Variants in PGD observed in about 807,000 individuals in gnomAD.
PGD encodes the protein phosphogluconate dehydrogenase.
A neutral mutation model predicts 60.4 loss-of-function variants in PGD; 21 were observed. The ratio of observed to expected loss-of-function variants is 0.35; its 90% CI spans 0.25 to 0.50. PGD has a LOEUF of 0.50. Among genes scored for constraint, PGD ranks in the 20% least tolerant of loss-of-function variants. The probability of loss-of-function intolerance (pLI) is 0.98; values close to 1 mark genes in which losing one functional copy is unlikely to be tolerated. For missense variants in PGD, 477 were observed against 613.1 expected (o/e 0.78, Z 2.34); for synonymous variants, 230 against 235.9 (o/e 0.97, Z 0.23).
chr1:10,408,214 G>T (rs376890149), intron 6 of PGD, 74 bp downstream of exon 6: 2 of 854,766 alleles, frequency 2.3e-6, no homozygotes. Flanking sequence ...GTGGAGAAAG[G>T]CCACCGTGGT....
intron 6 of PGD, among the ~76,000 whole-genome samples, chr1:10,409,429 A>G (rs1408727596): frequency 3.3e-5 from 5 of 151,906 alleles, no homozygotes; most frequent in African/African-American, 4.8e-5. Context: ...TTGGAAAGGG[A>G]CCTCTGTTCC....
chr1:10,403,590 G>GAAA lies in PGD; in HGVS notation c.330+472_330+474dup, dbSNP rs71583866. Among the ~76,000 whole-genome samples the GAAA allele has an allele frequency of 4.3e-3, 286 of 67,134 alleles. 20 individuals carry two copies. Among genetic ancestry groups the GAAA allele is most frequent in the African/African-American group, 0.015 (257 of 17,026 alleles). The allele number at this position is 67,134 out of a possible 152,430, so 44.0% of individuals were successfully genotyped here. On this transcript the variant is annotated intron_variant, in intron 4 of 12. Coordinates refer to ENST00000270776, the MANE Select transcript of PGD (RefSeq NM_002631.4). ...TGGGCGACAGAGTGAAACTCCATCT[G>GAAA]AAAAAAAAAAAAAAAAAAAAGACAC...
intron 10 of PGD, 68 bp downstream of exon 10, chr1:10,417,577 G>T: frequency 1.3e-6 from 2 of 1,509,660 alleles, no homozygotes; most frequent in Non-Finnish European, 1.8e-6. Flanking sequence ...GCGATCTTAG[G>T]ACACTTAGCT....
intron 6 of PGD, among the ~76,000 whole-genome samples, chr1:10,409,876 A>C (rs1639470049): frequency 6.6e-6 from 1 of 151,922 alleles, no homozygotes; most frequent in South Asian, 2.1e-4. Flanking sequence ...AGCTGGTCTT[A>C]AACTCCTGAC....
At chr1:10,410,918 G>A (rs1488743793) in intron 6 of PGD, among the ~76,000 whole-genome samples, 1 of 151,842 alleles carries the variant, frequency 6.6e-6, no homozygotes, top group Non-Finnish European at 1.5e-5. Context: ...ACAAGGTTGA[G>A]ACCTTGGATC....
intron 8 of PGD, 127 bp downstream of exon 8, chr1:10,413,378 C>T: frequency 1.3e-6 from 1 of 767,230 alleles, no homozygotes; most frequent in Non-Finnish European, 2.1e-6. Flanking sequence ...GCCTTTTGCT[C>T]TTTCTTGCGT....
intron 5 of PGD, among the ~76,000 whole-genome samples, chr1:10,407,684 G>A (rs1183840427): frequency 6.6e-6 from 1 of 152,116 alleles, no homozygotes; most frequent in Admixed American, 6.6e-5. Context: ...GGTGGCTTAT[G>A]CCTGTAATCC....
At chr1:10,399,430 C>G (rs1045314466) in intron 1 of PGD, 199 bp from the exon 2 acceptor site, 27 of 462,814 alleles carry the variant, frequency 5.8e-5, no homozygotes, top group Non-Finnish European at 9.5e-5. Flanking sequence ...CAGCGGGAGC[C>G]GGGCGCGAGG....
At chr1:10,412,383 A>G (rs995841464) in intron 7 of PGD, among the ~76,000 whole-genome samples, 5 of 152,240 alleles carry the variant, frequency 3.3e-5, no homozygotes, top group Non-Finnish European at 7.3e-5. Context: ...CATACAGTAT[A>G]GCTTTCCAGA....
At chr1:10,408,335 C>T (rs1443539234) in intron 6 of PGD, among the ~76,000 whole-genome samples, 195 bp downstream of exon 6, 2 of 152,154 alleles carry the variant, frequency 1.3e-5, no homozygotes, top group African/African-American at 4.8e-5. Context: ...GCTGACTGTT[C>T]ATAGCCTTGA....
At chr1:10,418,789 AAG>A in intron 10 of PGD, 35 bp from the exon 11 acceptor site, 2 of 1,247,616 alleles carry the variant, frequency 1.6e-6, no homozygotes, top group Admixed American at 2.0e-5. Flanking sequence ...AAAAAAAAAA[AAG>A]ACTCATTGCT....
rs536329457 is a variant in PGD, at chr1:10,403,059, G to A, written c.265-12G>A. ...ATTTTTGGTCCATCTTAATGCTGGT[G>A]TCTGGTTACAGGTACCATTGTTGGA... On this transcript the variant is annotated splice_polypyrimidine_tract_variant and intron_variant, in intron 3 of 12. Coordinates refer to ENST00000270776, the MANE Select transcript of PGD (RefSeq NM_002631.4). 7.6e-6 allele frequency: 12 copies of A among 1,587,530 alleles called. No individual in the cohort carries two copies. In the African/African-American group the frequency reaches 9.4e-5, roughly 12 times the overall value.
In PGD at chr1:10,400,510, C is replaced by A. The variant is rs199971575; in HGVS notation, c.202C>A (p.Pro68Thr). ...AGAGATGGTCTCCAAGCTGAAGAAG[C>A]CCCGGCGGATCATCCTCCTGGTGAA... ...LKEMVSKLKKPRRIILLVKAG... is the reference protein window; with the variant it reads ...LKEMVSKLKKTRRIILLVKAG... Residue 68 changes from proline (P) to threonine (T), a missense_variant, in exon 3 of 13, where the codon CCC (proline) becomes ACC (threonine). By Grantham distance (38) the Pro-to-Thr change is conservative (BLOSUM62 -1). Around this residue, in one of 3 missense-constraint regions of PGD, gnomAD observed 431 missense variants for 556.6 expected, o/e 0.77. Coordinates refer to ENST00000270776, the MANE Select transcript of PGD (RefSeq NM_002631.4). The A allele has an allele frequency of 6.2e-7, 1 of 1,614,018 alleles. No homozygotes were observed. Among genetic ancestry groups the A allele is most frequent in the Non-Finnish European group, 8.5e-7 (1 of 1,179,984 alleles).
In PGD at chr1:10,417,381, C is replaced by G; in HGVS notation, c.981C>G (p.Leu327=). ...GTCTCTGTGTCACTCTTTAGGCACT[C>G]TACGCTTCCAAGATCATCTCTTACG... ...KSFLEDIRKA[L]YASKIISYAQ... The change falls in exon 10 of 13, where the codon CTC becomes CTG. Residue 327 remains leucine (L), a synonymous_variant. Coordinates refer to ENST00000270776, the MANE Select transcript of PGD (RefSeq NM_002631.4). 1 of 1,608,964 alleles carries G rather than the reference C, an allele frequency of 6.2e-7. No homozygotes were observed. Among genetic ancestry groups the G allele is most frequent in the Non-Finnish European group, 8.5e-7 (1 of 1,177,574 alleles).
chr1:10,407,526 A>G (rs1199212094), intron 5 of PGD, among the ~76,000 whole-genome samples: 1 of 152,162 alleles, frequency 6.6e-6, no homozygotes, highest in Non-Finnish European at 1.5e-5. Context: ...CCGATAGTCC[A>G]GTCTGCTTTG....
chr1:10,414,565 C>T (rs1639562349), intron 8 of PGD, among the ~76,000 whole-genome samples: 1 of 151,700 alleles, frequency 6.6e-6, no homozygotes, highest in Non-Finnish European at 1.5e-5. Flanking sequence ...TTAGTGGAGA[C>T]GGGGTTTTAC....
In PGD at chr1:10,419,451, A is replaced by G. The variant is rs1270059586; in HGVS notation, c.1244A>G (p.Gln415Arg). 4.3e-6 allele frequency: 7 copies of G among 1,614,010 alleles called. No individual in the cohort carries two copies. In the East Asian group the frequency reaches 8.9e-5, roughly 21 times the overall value. Residue 415 changes from glutamine to arginine, a missense_variant, in exon 12 of 13, where the codon CAG becomes CGG. Transcript: ENST00000270776. ...CGGCGGGCAGTCAGCACTGGGGTCC[A>G]GGCTGGCATTCCCATGCCCTGTTTT... is the stretch of plus-strand genomic sequence containing the variant. Reference protein sequence around the residue: ...SWRRAVSTGVQAGIPMPCFTT... With the variant: ...SWRRAVSTGVRAGIPMPCFTT...
chr1:10,411,522 G>T lies in PGD; in HGVS notation c.624G>T (p.Val208=), dbSNP rs768297760. 1.9e-6 allele frequency: 3 copies of T among 1,613,960 alleles called. No homozygotes were observed. Among genetic ancestry groups the T allele is most frequent in the Non-Finnish European group, 8.5e-7 (1 of 1,179,890 alleles). ...AGGCATACCACCTGATGAAAGACGT[G>T]CTGGGCATGGCGCAGGACGAGATGG... is the stretch of plus-strand genomic sequence containing the variant. The part of the protein sequence containing the change: ...ICEAYHLMKD[V]LGMAQDEMAQ... The change falls in exon 7 of 13, where the codon GTG becomes GTT. Residue 208 remains valine (V), a synonymous_variant. Coordinates refer to ENST00000270776, the MANE Select transcript of PGD (RefSeq NM_002631.4).
intron 7 of PGD, 188 bp from the exon 8 acceptor site, chr1:10,412,874 G>A (rs1569986683): frequency 1.8e-6 from 1 of 558,848 alleles, no homozygotes; most frequent in East Asian, 2.9e-5. Flanking sequence ...GTATAACCAG[G>A]TTCAGAACAA....
Sources: allele counts gnomAD v4.1 joint callset (sites outside exome capture counted in the v4.1 genomes callset), GRCh38; gene constraint gnomAD v4.1.1; regional missense constraint gnomAD v4.1.1; transcripts MANE v1.5; gene names NCBI Gene and HGNC (gene_info 2026-07-23, HGNC 2026-07-21).